The following CTNNA3 variants were observed in gnomAD, a reference collection of about 807,000 sequenced individuals.
CTNNA3 encodes the protein catenin alpha 3.
A neutral mutation model predicts 95.7 loss-of-function variants in CTNNA3; 76 were observed. The ratio of observed to expected loss-of-function variants is 0.79; its 90% CI spans 0.66 to 0.96. The LOEUF (loss-of-function observed/expected upper bound fraction) is 0.96, where lower values mean the gene tolerates loss of function less well. Ranked by LOEUF, CTNNA3 falls within the 40% of genes least tolerant of loss-of-function variation. The pLI, the probability that CTNNA3 is intolerant of heterozygous loss-of-function variation, is 0.00. For missense variants in CTNNA3, 1,191 were observed against 1,089.8 expected (o/e 1.09, Z -1.31); for synonymous variants, 431 against 374.4 (o/e 1.15, Z -1.74).
chr10:67,597,512 G>A (rs560173670), intron 3 of CTNNA3, among the ~76,000 whole-genome samples: 4 of 152,230 alleles, frequency 2.6e-5, no homozygotes, highest in Non-Finnish European at 5.9e-5. Context: ...CTTCATTTCT[G>A]GATGATTTCA....
intron 15 of CTNNA3, among the ~76,000 whole-genome samples, chr10:66,026,659 A>C (rs914112575): frequency 1.3e-5 from 2 of 152,174 alleles, no homozygotes; most frequent in African/African-American, 4.8e-5. Flanking sequence ...AACTGTGTCT[A>C]GAGTTTCTTC....
At chr10:66,179,432 G>A (rs2131852314) in intron 13 of CTNNA3, among the ~76,000 whole-genome samples, 1 of 152,140 alleles carries the variant, frequency 6.6e-6, no homozygotes, top group East Asian at 1.9e-4. Context: ...TCTTTATGGT[G>A]ATGAAAATCG....
chr10:65,958,931 G>A (rs900213274), intron 17 of CTNNA3, among the ~76,000 whole-genome samples: 12 of 152,182 alleles, frequency 7.9e-5, no homozygotes, highest in Non-Finnish European at 1.8e-4. Context: ...ATCAGACAGG[G>A]ACGTTTAAGT....
In CTNNA3 at chr10:65,982,104, C is replaced by T. The variant is rs187893245; in HGVS notation, c.2265+6588G>A. ...AGATCATCACAATCTACACATCTGA[C>T]AAAAGACTCATATTCAGAATCTCCA... On this transcript the variant is annotated intron_variant, in intron 16 of 17. Coordinates refer to ENST00000433211, the MANE Select transcript of CTNNA3 (RefSeq NM_013266.4). Among the ~76,000 whole-genome samples the T allele has an allele frequency of 8.8e-4, 133 of 151,068 alleles. 1 individual carries two copies. Among genetic ancestry groups the T allele is most frequent in the South Asian group, 5.6e-3 (27 of 4,800 alleles).
chr10:67,645,485 G>A (rs1000327177), intron 2 of CTNNA3, among the ~76,000 whole-genome samples: 8 of 152,014 alleles, frequency 5.3e-5, no homozygotes, highest in Non-Finnish European at 1.0e-4. Context: ...AGCCATCTCC[G>A]AAATGAAGGT....
chr10:66,101,600 C>T (rs1171876990), intron 14 of CTNNA3, among the ~76,000 whole-genome samples: 7 of 151,940 alleles, frequency 4.6e-5, no homozygotes, highest in African/African-American at 1.7e-4. Flanking sequence ...ATACTTAGCG[C>T]ACTGTAAAAA....
intron 7 of CTNNA3, among the ~76,000 whole-genome samples, chr10:67,081,981 C>CAGCACAT (rs1338396851): frequency 6.6e-6 from 1 of 152,114 alleles, no homozygotes; most frequent in East Asian, 1.9e-4. Flanking sequence ...TTTGAATTAC[C>CAGCACAT]AGCACATAAC....
At chr10:66,331,630 C>T (rs2092332128) in intron 12 of CTNNA3, among the ~76,000 whole-genome samples, 2 of 151,918 alleles carry the variant, frequency 1.3e-5, no homozygotes, top group Admixed American at 6.6e-5. Context: ...AGCATTATTT[C>T]TGAGGGCTCT....
At chr10:66,790,614 T>C (rs553867389) in intron 7 of CTNNA3, among the ~76,000 whole-genome samples, 1 of 152,346 alleles carries the variant, frequency 6.6e-6, no homozygotes, top group East Asian at 1.9e-4. Flanking sequence ...AAGTAGTCTA[T>C]AAACATCATT....
At chr10:67,155,375 AT>A (rs1861264002) in intron 7 of CTNNA3, among the ~76,000 whole-genome samples, 1 of 152,200 alleles carries the variant, frequency 6.6e-6, no homozygotes, top group Non-Finnish European at 1.5e-5. Context: ...TACTTAGAGA[AT>A]TGTTGTAATG....
intron 7 of CTNNA3, among the ~76,000 whole-genome samples, chr10:67,016,162 A>G (rs1190796577): frequency 6.6e-6 from 1 of 152,056 alleles, no homozygotes; most frequent in African/African-American, 2.4e-5. Context: ...AGTTTTATGC[A>G]TGAGTTTATC....
chr10:67,239,389 TAA>T (rs1865628889), intron 5 of CTNNA3, among the ~76,000 whole-genome samples: 1 of 141,536 alleles, frequency 7.1e-6, no homozygotes, highest in Non-Finnish European at 1.5e-5. Flanking sequence ...AAGCAAGACA[TAA>T]AAGAGTATGT....
At chr10:67,540,420 C>T (rs535425207) in intron 3 of CTNNA3, among the ~76,000 whole-genome samples, 12 of 151,892 alleles carry the variant, frequency 7.9e-5, no homozygotes, top group Admixed American at 3.9e-4. Context: ...TACTATAATA[C>T]GTGTCCATTA....
At chr10:66,108,048 A>G (rs947776277) in intron 13 of CTNNA3, among the ~76,000 whole-genome samples, 2 of 151,978 alleles carry the variant, frequency 1.3e-5, no homozygotes, top group African/African-American at 4.8e-5. Flanking sequence ...ACATGCTATG[A>G]ATGTCCATCC....
intron 11 of CTNNA3, among the ~76,000 whole-genome samples, chr10:66,396,788 C>T (rs1484272219): frequency 6.6e-6 from 1 of 151,858 alleles, no homozygotes; most frequent in Non-Finnish European, 1.5e-5. Context: ...TTTCTATGCA[C>T]ACATAAGTTT....
chr10:66,061,859 C>CATTTAACATTTTAACATTTA (rs2080207252), intron 15 of CTNNA3, among the ~76,000 whole-genome samples: 1 of 152,106 alleles, frequency 6.6e-6, no homozygotes, highest in Admixed American at 6.6e-5. Flanking sequence ...AAAATCCTAA[C>CATTTAACATTTTAACATTTA]AGATTGAACA....
chr10:66,683,714 C>T lies in CTNNA3; in HGVS notation c.1282-61930G>A, dbSNP rs1032324709. ...CATATTTTCCCTTTCAAGTACGACT[C>T]ATTCAAGTTTGAGGGAACTGCTAAA... is the stretch of plus-strand genomic sequence containing the variant. On this transcript the variant is annotated intron_variant, in intron 9 of 17. Coordinates refer to ENST00000433211, the MANE Select transcript of CTNNA3 (RefSeq NM_013266.4). Among the ~76,000 whole-genome samples the T allele has an allele frequency of 2.6e-5, 4 of 152,150 alleles. No homozygotes were observed. In the East Asian group the frequency reaches 7.7e-4, roughly 29 times the overall value.
chr10:67,321,692 A>T (rs1231712982), intron 5 of CTNNA3, among the ~76,000 whole-genome samples: 2 of 152,190 alleles, frequency 1.3e-5, no homozygotes, highest in African/African-American at 4.8e-5. Flanking sequence ...ATCATCTCTA[A>T]GCTGAAACTC....
At chr10:66,180,129 C>T (rs956908020) in intron 13 of CTNNA3, among the ~76,000 whole-genome samples, 1 of 152,148 alleles carries the variant, frequency 6.6e-6, no homozygotes, top group African/African-American at 2.4e-5. Flanking sequence ...TTTCATATCG[C>T]TTTGCTTGGC....
Sources: gnomAD v4.1 joint callset for allele counts (sites outside exome capture counted in the v4.1 genomes callset) on GRCh38, gnomAD v4.1.1 for gene constraint, MANE v1.5 for transcripts, NCBI Gene and HGNC (gene_info 2026-07-23, HGNC 2026-07-21) for gene names.